EYA2: variants seen among roughly 807,000 people sequenced by gnomAD.
EYA2 encodes the protein protein phosphatase EYA2.
Under a neutral mutation model 69.2 loss-of-function variants are expected in EYA2, and 31 were observed. That is an observed-to-expected ratio of 0.45 (90% CI 0.34 to 0.60). The LOEUF is 0.60. Among genes scored for constraint, EYA2 ranks in the 20% least tolerant of loss-of-function variants. The pLI is 0.02. For synonymous variants in EYA2, 257 were observed against 279.4 expected, an observed-to-expected ratio of 0.92 and a Z score of 0.80; for missense variants, 622 against 701.2, an observed-to-expected ratio of 0.89 and a Z score of 1.28.
intron 7 of EYA2, among the ~76,000 whole-genome samples, chr20:47,079,765 T>C (rs1320567458): frequency 6.6e-6 from 1 of 152,074 alleles, no homozygotes; most frequent in Non-Finnish European, 1.5e-5. Context: ...TGTGCTACTA[T>C]GGGTTTCTCT....
At chr20:47,182,929 T>C (rs1306714006) in intron 14 of EYA2, among the ~76,000 whole-genome samples, 1 of 152,132 alleles carries the variant, frequency 6.6e-6, no homozygotes, top group Non-Finnish European at 1.5e-5. Context: ...AGAGCAAGAC[T>C]GTGTCTCGAA....
intron 9 of EYA2, among the ~76,000 whole-genome samples, chr20:47,110,614 G>A (rs1396151222): frequency 6.6e-6 from 1 of 152,198 alleles, no homozygotes; most frequent in Admixed American, 6.5e-5. Flanking sequence ...GAACTCTTCT[G>A]CTGCCTCTTA....
chr20:47,043,615 G>T (rs915318037), intron 5 of EYA2, among the ~76,000 whole-genome samples: 2 of 152,178 alleles, frequency 1.3e-5, no homozygotes, highest in African/African-American at 4.8e-5. Flanking sequence ...GGGTAGCCTT[G>T]GACAAGTTTC....
chr20:47,063,066 T>C (rs773607829), intron 5 of EYA2, among the ~76,000 whole-genome samples: 4 of 152,064 alleles, frequency 2.6e-5, no homozygotes, highest in Non-Finnish European at 5.9e-5. Context: ...AAGGTAAAAT[T>C]CCCATAACAT....
intron 15 of EYA2, 126 bp from the exon 16 acceptor site, chr20:47,187,927 T>C (rs1162367606): frequency 8.7e-6 from 8 of 923,042 alleles, no homozygotes; most frequent in Non-Finnish European, 1.3e-5. Flanking sequence ...AAGTGCCCCA[T>C]AGTTTGGGAA....
chr20:47,081,842 CTAT>C (rs1350274029), intron 7 of EYA2, among the ~76,000 whole-genome samples: 1 of 150,648 alleles, frequency 6.6e-6, no homozygotes. Flanking sequence ...TGTGCATTGC[CTAT>C]TATTATTATT....
At chr20:47,150,778 A>C (rs1040229924) in intron 10 of EYA2, among the ~76,000 whole-genome samples, 1 of 151,998 alleles carries the variant, frequency 6.6e-6, no homozygotes, top group Non-Finnish European at 1.5e-5. Context: ...CATTCCAGGC[A>C]GCAGGGAAAA....
chr20:46,937,876 C>T (rs1002601147), intron 1 of EYA2, among the ~76,000 whole-genome samples: 4 of 152,084 alleles, frequency 2.6e-5, no homozygotes, highest in Non-Finnish European at 5.9e-5. Flanking sequence ...GCCAGGTCTG[C>T]GTGCCAGGCT....
chr20:47,185,274 C>CTTTT, intron 15 of EYA2, among the ~76,000 whole-genome samples: 1 of 124,772 alleles, frequency 8.0e-6, no homozygotes, highest in Admixed American at 9.0e-5. Flanking sequence ...ATGAATCACA[C>CTTTT]TCTTTTTTTT....
At chr20:47,176,984 G>C (rs1235814756) in intron 12 of EYA2, among the ~76,000 whole-genome samples, 2 of 152,064 alleles carry the variant, frequency 1.3e-5, no homozygotes, top group Non-Finnish European at 2.9e-5. Flanking sequence ...TAGAGATAGA[G>C]ACGGGATTTC....
chr20:46,943,616 G>A (rs975956501), intron 1 of EYA2, among the ~76,000 whole-genome samples: 30 of 152,214 alleles, frequency 2.0e-4, no homozygotes, highest in Non-Finnish European at 2.6e-4. Flanking sequence ...TTGCCTGTGT[G>A]TAGCATGTAG....
intron 7 of EYA2, among the ~76,000 whole-genome samples, chr20:47,087,169 TAAG>T (rs2031922351): frequency 1.3e-5 from 2 of 152,218 alleles, no homozygotes; most frequent in Admixed American, 1.3e-4. Context: ...CTTAGTCTGT[TAAG>T]AAGCTTTTAT....
At chr20:46,914,698 G>T (rs929881246) in intron 1 of EYA2, among the ~76,000 whole-genome samples, 7 of 152,144 alleles carry the variant, frequency 4.6e-5, no homozygotes, top group Non-Finnish European at 8.8e-5. Flanking sequence ...CCCACGACAC[G>T]TGGGGATTAT....
intron 14 of EYA2, among the ~76,000 whole-genome samples, chr20:47,182,755 G>A (rs527342332): frequency 1.1e-4 from 16 of 152,078 alleles, no homozygotes; most frequent in African/African-American, 3.6e-4. Flanking sequence ...GGCCAACATG[G>A]TGAAGCCCCA....
intron 9 of EYA2, among the ~76,000 whole-genome samples, chr20:47,099,166 G>A (rs1441044852): frequency 3.3e-5 from 5 of 152,214 alleles, no homozygotes; most frequent in Admixed American, 3.3e-4. Context: ...TGAGGGAGCT[G>A]GGATATTTAC....
chr20:46,987,962 CTCTATATATATATATATA>C (rs1235755172), intron 1 of EYA2, among the ~76,000 whole-genome samples: 4 of 17,552 alleles, frequency 2.3e-4, no homozygotes, highest in African/African-American at 6.7e-4. Flanking sequence ...CTCTCTCTCT[CTCTATATATATATATATA>C]TATATATATA....
At chr20:47,157,964 A>G (rs1333359020) in intron 10 of EYA2, among the ~76,000 whole-genome samples, 1 of 152,002 alleles carries the variant, frequency 6.6e-6, no homozygotes, top group Non-Finnish European at 1.5e-5. Flanking sequence ...CTGGAGTTAC[A>G]GCGCATATGA....
intron 5 of EYA2, among the ~76,000 whole-genome samples, chr20:47,027,776 C>G (rs1331400079): frequency 6.6e-6 from 1 of 152,204 alleles, no homozygotes; most frequent in Non-Finnish European, 1.5e-5. Flanking sequence ...GTGATAGCCC[C>G]TAGCCACAGG....
intron 1 of EYA2, among the ~76,000 whole-genome samples, chr20:46,903,180 A>T (rs1568659522): frequency 6.6e-6 from 1 of 152,160 alleles, no homozygotes; most frequent in Non-Finnish European, 1.5e-5. Context: ...CGGTAGGAGG[A>T]TCCCAATGTG....
Sources: allele counts gnomAD v4.1 joint callset (sites outside exome capture counted in the v4.1 genomes callset), GRCh38; gene constraint gnomAD v4.1.1; transcripts MANE v1.5; gene names NCBI Gene and HGNC (gene_info 2026-07-23, HGNC 2026-07-21).